SPRY3: variants seen among roughly 807,000 people sequenced by gnomAD.
SPRY3 encodes the protein sprouty RTK signaling antagonist 3.
Under a neutral mutation model 20.2 loss-of-function variants are expected in SPRY3, and 15 were observed. The observed-to-expected ratio is 0.74, with a 90% CI of 0.50 to 1.14. The LOEUF (loss-of-function observed/expected upper bound fraction) is 1.14. Among genes scored for constraint, SPRY3 ranks in the 50% most tolerant of loss-of-function variants. SPRY3 has a pLI of 0.00. For synonymous variants in SPRY3, 143 were observed against 136.5 expected, an observed-to-expected ratio of 1.05 and a Z score of -0.33; for missense variants, 364 against 363.9, an observed-to-expected ratio of 1.00 and a Z score of 0.00.
chrX:155,639,087 C>T (rs1391072450), intron 1 of SPRY3, among the ~76,000 whole-genome samples: 1 of 111,791 alleles, frequency 8.9e-6, no homozygotes, highest in Non-Finnish European at 1.9e-5. Flanking sequence ...TGCTATTATC[C>T]CTAGGTCCTA....
At chrX:155,617,106 C>A (rs1255275200) in intron 1 of SPRY3, among the ~76,000 whole-genome samples, 1 of 105,508 alleles carries the variant, frequency 9.5e-6, no homozygotes, top group Non-Finnish European at 1.9e-5. Context: ...CCTCTCACTG[C>A]AACCTCCCTC....
intron 2 of SPRY3, among the ~76,000 whole-genome samples, chrX:155,672,141 G>A (rs1270612709): frequency 9.0e-6 from 1 of 111,441 alleles, no homozygotes; most frequent in Non-Finnish European, 1.9e-5. Context: ...TTCTTTTGTG[G>A]TTCCATATGA....
intron 2 of SPRY3, among the ~76,000 whole-genome samples, chrX:155,715,110 C>T (rs973980618): frequency 1.4e-4 from 22 of 152,074 alleles, no homozygotes; most frequent in African/African-American, 5.3e-4. Flanking sequence ...AAGACAAAGT[C>T]CCCTTTACTT....
At position 155,716,981 on chromosome X, in the gene SPRY3, A is replaced by AATATATATAT. The variant is rs749530944; in HGVS notation, c.-281-50959_-281-50950dup. Among the ~76,000 whole-genome samples the AATATATATAT allele has an allele frequency of 5.2e-3, 328 of 63,390 alleles. 9 individuals carry two copies. The highest frequency in any genetic ancestry group is 0.011 in the African/African-American group (146 of 13,676). 41.6% of individuals were successfully genotyped at this position (63,390 alleles called of 152,430 possible). ...AAACCCTGTTTCCACTAAAATACAA[A>AATATATATAT]ATATATATATATATATATATATATA... On this transcript the variant is annotated intron_variant, in intron 2 of 3. Transcript: ENST00000675360.
At chrX:155,620,473 A>T (rs782696661) in intron 1 of SPRY3, among the ~76,000 whole-genome samples, 9 of 111,831 alleles carry the variant, frequency 8.0e-5, no homozygotes, top group African/African-American at 2.6e-4. Context: ...TTAACTATAC[A>T]TCCATAAAAT....
At chrX:155,780,940 A>G, downstream of SPRY3, 1 of 165,360 alleles carries the variant, frequency 6.0e-6, no homozygotes. Context: ...CTAAAACACC[A>G]TTTACTAACT....
At chrX:155,710,996 A>G (rs896951576) in intron 2 of SPRY3, among the ~76,000 whole-genome samples, 3 of 151,860 alleles carry the variant, frequency 2.0e-5, no homozygotes, top group Non-Finnish European at 4.4e-5. Context: ...CCATTCTTGC[A>G]TTCCTGGGAT....
chrX:155,636,560 GGTAGGTAT>G lies in SPRY3; in HGVS notation c.-440-20303_-440-20296del, dbSNP rs1224315016. 4.9e-4 allele frequency among the ~76,000 whole-genome samples: 34 copies of G among 69,458 alleles called. No individual in the cohort carries two copies. The East Asian group carries it at 5.0e-3, about 10-fold the overall frequency. The allele number at this position is 69,458 out of a possible 115,157, so 60.3% of individuals were successfully genotyped here. Reference sequence around the variant, plus strand: ...ACAGTCTCTTCCTTGTTTTTATGTAGGTAGGTATGTATGTATGTATGTATGTATGTATG... The same window carrying G: ...ACAGTCTCTTCCTTGTTTTTATGTAGGTATGTATGTATGTATGTATGTATG... On this transcript the variant is annotated intron_variant, in intron 1 of 3. Coordinates refer to ENST00000675360, the Ensembl canonical transcript of SPRY3.
chrX:155,710,355 A>G (rs934507721), intron 2 of SPRY3, among the ~76,000 whole-genome samples: 4 of 151,560 alleles, frequency 2.6e-5, no homozygotes, highest in Non-Finnish European at 5.9e-5. Context: ...GTGTTTTACA[A>G]CTTTCATTGT....
chrX:155,771,006 A>G (rs921038016), intron 3 of SPRY3, among the ~76,000 whole-genome samples: 33 of 152,136 alleles, frequency 2.2e-4, no homozygotes, highest in Non-Finnish European at 4.9e-4. Flanking sequence ...ATTAGATCCC[A>G]GAGTCCATTT....
At chrX:155,647,345 A>G (rs2067961093) in intron 1 of SPRY3, among the ~76,000 whole-genome samples, 1 of 110,093 alleles carries the variant, frequency 9.1e-6, no homozygotes, top group African/African-American at 3.3e-5. Flanking sequence ...TCTGGTATAC[A>G]TGTGCAGAAT....
chrX:155,762,073 T>C (rs2091306346), intron 2 of SPRY3, among the ~76,000 whole-genome samples: 1 of 152,170 alleles, frequency 6.6e-6, no homozygotes, highest in Non-Finnish European at 1.5e-5. Context: ...ATGTCTCATC[T>C]TTACCTCAAA....
rs139992960 is a variant in SPRY3, at chrX:155,694,506, C to T, written c.-282+37481C>T. 3.7e-3 allele frequency among the ~76,000 whole-genome samples: 411 copies of T among 111,513 alleles called. 3 individuals are homozygous for T. Among genetic ancestry groups the T allele is most frequent in the African/African-American group, 0.013 (387 of 30,727 alleles). ...CCAGTTTCATGGAAGACAATTTTTC[C>T]ATGGACCGGGGTGGGTGAGGGACAA... On this transcript the variant is annotated intron_variant, in intron 2 of 3. Coordinates refer to ENST00000675360, the Ensembl canonical transcript of SPRY3.
chrX:155,774,087 G>T (rs2091403652), exon 4 of SPRY3: 1 of 1,613,838 alleles, frequency 6.2e-7, no homozygotes, highest in Non-Finnish European at 8.5e-7. Context: ...GCCATCAACT[G>T]CAGCCCTTGC....
intron 2 of SPRY3, among the ~76,000 whole-genome samples, chrX:155,686,058 A>G (rs1208156310): frequency 1.8e-5 from 2 of 111,859 alleles, no homozygotes; most frequent in Non-Finnish European, 3.8e-5. Flanking sequence ...ATAGGCGTGC[A>G]CCACTGCACC....
intron 1 of SPRY3, among the ~76,000 whole-genome samples, chrX:155,637,680 C>A (rs1557351156): frequency 1.8e-5 from 2 of 111,762 alleles, no homozygotes; most frequent in African/African-American, 6.5e-5. Context: ...CTCCAAATTT[C>A]TGGGATTTAA....
At chrX:155,766,271 C>G (rs1173159743) in intron 2 of SPRY3, among the ~76,000 whole-genome samples, 2 of 152,120 alleles carry the variant, frequency 1.3e-5, no homozygotes, top group Non-Finnish European at 2.9e-5. Flanking sequence ...CTCATTATTT[C>G]TTTTGTCTTC....
intron 1 of SPRY3, among the ~76,000 whole-genome samples, chrX:155,642,277 A>G (rs2067944381): frequency 1.8e-5 from 2 of 112,069 alleles, no homozygotes; most frequent in Non-Finnish European, 3.8e-5. Context: ...TTATTGGCAT[A>G]TAGTTGCTCA....
At chrX:155,616,130 C>CTCCT (rs11396863) in intron 1 of SPRY3, among the ~76,000 whole-genome samples, 1 of 57,190 alleles carries the variant, frequency 1.7e-5, no homozygotes, top group African/African-American at 5.6e-5. Flanking sequence ...CTCTCTCTCT[C>CTCCT]CTCTCTCTCT....
Sources: gnomAD v4.1 joint callset for allele counts (sites outside exome capture counted in the v4.1 genomes callset) on GRCh38, gnomAD v4.1.1 for gene constraint, MANE v1.5 for transcripts, NCBI Gene and HGNC (gene_info 2026-07-23, HGNC 2026-07-21) for gene names.